Variants in R3HCC1L observed in about 807,000 individuals in gnomAD.
The protein encoded by R3HCC1L is R3H domain and coiled-coil containing 1 like, also known as coiled-coil domain-containing protein R3HCC1L.
In R3HCC1L, 51 loss-of-function variants were observed where a neutral mutation model predicts 59.9. That is an observed-to-expected ratio of 0.85 (90% confidence interval 0.68 to 1.07). The LOEUF is 1.07. Among genes scored for constraint, R3HCC1L ranks in the 50% least tolerant of loss-of-function variants. R3HCC1L has a pLI of 0.00. For synonymous variants in R3HCC1L, 322 were observed against 315.2 expected (o/e 1.02, Z -0.23); for missense variants, 965 against 933.0 (o/e 1.03, Z -0.45).
intron 2 of R3HCC1L, among the ~76,000 whole-genome samples, chr10:98,159,538 A>G (rs1847197382): frequency 6.6e-6 from 1 of 152,212 alleles, no homozygotes; most frequent in African/African-American, 2.4e-5. Flanking sequence ...TGTTGTAAAC[A>G]TCTTGTTACT....
chr10:98,177,730 G>T (rs899134951), intron 4 of R3HCC1L, among the ~76,000 whole-genome samples: 7 of 152,120 alleles, frequency 4.6e-5, no homozygotes, highest in African/African-American at 1.7e-4. Context: ...ATTCTAATTG[G>T]TGTGAGATGG....
intron 5 of R3HCC1L, among the ~76,000 whole-genome samples, chr10:98,213,926 G>A (rs1853874218): frequency 6.6e-6 from 1 of 152,034 alleles, no homozygotes; most frequent in South Asian, 2.1e-4. Context: ...GCAGTCAGTT[G>A]GGACATTCAG....
At chr10:98,214,997 C>T (rs1332724646) in intron 5 of R3HCC1L, among the ~76,000 whole-genome samples, 1 of 152,162 alleles carries the variant, frequency 6.6e-6, no homozygotes, top group African/African-American at 2.4e-5. Flanking sequence ...AGGGTTGTAG[C>T]TAAAGTAAGT....
chr10:98,171,286 T>C (rs886198391), intron 4 of R3HCC1L, among the ~76,000 whole-genome samples: 2 of 152,236 alleles, frequency 1.3e-5, no homozygotes, highest in African/African-American at 4.8e-5. Context: ...TTCTGACCTA[T>C]ACAATCCCTT....
chr10:98,154,180 A>G (rs1204660634), intron 1 of R3HCC1L, among the ~76,000 whole-genome samples: 1 of 119,196 alleles, frequency 8.4e-6, no homozygotes, highest in Non-Finnish European at 1.7e-5. Flanking sequence ...GCAGAGAATA[A>G]GCAAAAAAAA....
intron 1 of R3HCC1L, among the ~76,000 whole-genome samples, chr10:98,153,630 AAG>A (rs1327128345): frequency 4.0e-5 from 6 of 149,750 alleles, no homozygotes; most frequent in Admixed American, 3.3e-4. Context: ...AAAAAAAAAA[AAG>A]AAGTTTAGAC....
chr10:98,200,362 T>A (rs958159951), intron 4 of R3HCC1L, among the ~76,000 whole-genome samples: 1 of 152,086 alleles, frequency 6.6e-6, no homozygotes, highest in Non-Finnish European at 1.5e-5. Flanking sequence ...CAGGGGACAT[T>A]ATGAATACTA....
chr10:98,160,081 T>G (rs974246444), intron 2 of R3HCC1L, among the ~76,000 whole-genome samples: 8 of 152,228 alleles, frequency 5.3e-5, no homozygotes, highest in African/African-American at 1.9e-4. Flanking sequence ...TAGCTCTGTT[T>G]TCCAACAATG....
chr10:98,179,123 G>A (rs896264566), intron 4 of R3HCC1L, among the ~76,000 whole-genome samples: 1 of 152,130 alleles, frequency 6.6e-6, no homozygotes, highest in South Asian at 2.1e-4. Context: ...GTAAGAGAGG[G>A]CATCCCTGTC....
intron 2 of R3HCC1L, among the ~76,000 whole-genome samples, chr10:98,158,289 C>A: frequency 6.6e-6 from 1 of 152,116 alleles, no homozygotes; most frequent in South Asian, 2.1e-4. Context: ...GCTCTTGAGT[C>A]GAGAATTTTT....
At chr10:98,197,341 A>G (rs1056536596) in intron 4 of R3HCC1L, among the ~76,000 whole-genome samples, 4 of 151,964 alleles carry the variant, frequency 2.6e-5, no homozygotes, top group African/African-American at 9.7e-5. Context: ...CTTTTCCCTG[A>G]TAATTTATGT....
intron 4 of R3HCC1L, among the ~76,000 whole-genome samples, chr10:98,206,163 A>G (rs1368024276): frequency 1.2e-4 from 18 of 152,100 alleles, no homozygotes; most frequent in Non-Finnish European, 2.9e-5. Context: ...TCTACATTGT[A>G]TGACATATTT....
At chr10:98,135,137 G>A (rs1250151816) in intron 1 of R3HCC1L, among the ~76,000 whole-genome samples, 2 of 152,230 alleles carry the variant, frequency 1.3e-5, no homozygotes, top group African/African-American at 2.4e-5. Context: ...CTCCTCCGCT[G>A]CCCGGGAGCC....
In R3HCC1L at chr10:98,209,584, A is replaced by T. The variant is rs1853292044; in HGVS notation, c.1470A>T (p.Glu490Asp). The part of the protein sequence containing the change: ...GSNYNTFLDS[E>D]LSMLNGTKVL... The stretch of plus-strand genomic sequence containing the variant: ...ATTATAACACTTTTTTGGACTCTGA[A>T]CTCAGTATGTTAAATGGGACAAAAG... Residue 490 changes from glutamate (E) to aspartate (D), a missense_variant, in exon 5 of 10, where the codon GAA becomes GAT. Coordinates refer to ENST00000298999, the MANE Select transcript of R3HCC1L (RefSeq NM_001351015.2). 1 of 1,613,908 alleles carries T rather than the reference A, an allele frequency of 6.2e-7. No individual in the cohort carries two copies. The highest frequency in any genetic ancestry group is 8.5e-7 in the Non-Finnish European group (1 of 1,179,976).
intron 2 of R3HCC1L, among the ~76,000 whole-genome samples, chr10:98,159,195 T>A (rs1847166009): frequency 6.6e-6 from 1 of 152,198 alleles, no homozygotes; most frequent in Admixed American, 6.5e-5. Context: ...ATGGTTTAAT[T>A]AAGGTTATTC....
chr10:98,167,547 A>T lies in R3HCC1L; in HGVS notation c.-15+4150A>T, dbSNP rs147842956. On this transcript the variant is annotated intron_variant, in intron 4 of 9. Transcript: ENST00000298999. ...ACTGTTCTGTGCTATGCATTTTTAC[A>T]AACATACATACAAAATAAATAGCTT... 2.3e-3 allele frequency among the ~76,000 whole-genome samples: 350 copies of T among 152,360 alleles called. 2 individuals are homozygous for T. Among genetic ancestry groups the T allele is most frequent in the African/African-American group, 7.9e-3 (330 of 41,574 alleles).
rs745586104 is a variant in R3HCC1L, at chr10:98,208,676, T to A, written c.562T>A (p.Phe188Ile). 2.5e-6 allele frequency: 4 copies of A among 1,614,146 alleles called. No homozygotes were observed. In the South Asian group the frequency reaches 4.4e-5, roughly 18 times the overall value. The stretch of plus-strand genomic sequence containing the variant: ...ATTCCAAAATGTGGAATTCTGTGAC[T>A]TCAGTAGGCATGAACCTGATGGGGA... ...KPFQNVEFCDFSRHEPDGEAF... is the reference protein window; with the variant it reads ...KPFQNVEFCDISRHEPDGEAF... Residue 188 changes from phenylalanine (F) to isoleucine (I), a missense_variant, in exon 5 of 10, where the codon TTC (phenylalanine) becomes ATC (isoleucine). By Grantham distance (21) the Phe-to-Ile change is conservative (BLOSUM62 0). Transcript: ENST00000298999.
chr10:98,154,154 A>G (rs1846579451), intron 1 of R3HCC1L, among the ~76,000 whole-genome samples: 1 of 146,782 alleles, frequency 6.8e-6, no homozygotes, highest in Admixed American at 7.1e-5. Context: ...TTTCAACCAT[A>G]TCGTTATACT....
At chr10:98,222,269 G>A (rs1855085244) in intron 5 of R3HCC1L, among the ~76,000 whole-genome samples, 1 of 152,116 alleles carries the variant, frequency 6.6e-6, no homozygotes, top group Non-Finnish European at 1.5e-5. Context: ...TCAGCTTAAG[G>A]AGATTTTGGG....
Sources: allele counts gnomAD v4.1 joint callset (sites outside exome capture counted in the v4.1 genomes callset), GRCh38; gene constraint gnomAD v4.1.1; transcripts MANE v1.5; gene names NCBI Gene and HGNC (gene_info 2026-07-23, HGNC 2026-07-21).